SORBS2: variants seen among roughly 807,000 people sequenced by gnomAD.
The protein encoded by SORBS2 is sorbin and SH3 domain containing 2, also known as sorbin and SH3 domain-containing protein 2.
Under a neutral mutation model 97.7 loss-of-function variants are expected in SORBS2, and 46 were observed. The ratio of observed to expected loss-of-function variants is 0.47; its 90% CI spans 0.37 to 0.60. The LOEUF (loss-of-function observed/expected upper bound fraction) is 0.60, where lower values mean the gene tolerates loss of function less well. SORBS2 is among the 20% of genes least tolerant of loss of function. The pLI is 0.00. For synonymous variants in SORBS2, 476 were observed against 473.4 expected, an observed-to-expected ratio of 1.01 and a Z score of -0.07; for missense variants, 1,316 against 1,282.3, an observed-to-expected ratio of 1.03 and a Z score of -0.40.
chr4:185,845,509 A>G (rs149071833), intron 1 of SORBS2, among the ~76,000 whole-genome samples: 1 of 152,322 alleles, frequency 6.6e-6, no homozygotes, highest in East Asian at 1.9e-4. Context: ...AATTTGGGTT[A>G]GAAAAAATGC....
At chr4:185,911,663 T>C (rs6819746) in intron 1 of SORBS2, among the ~76,000 whole-genome samples, 54,899 of 152,072 alleles carry the variant, frequency 0.36, 10,165 homozygotes, top group African/African-American at 0.43. Context: ...GCTGTCACGT[T>C]GGCCAGGTGG....
intron 4 of SORBS2, among the ~76,000 whole-genome samples, chr4:185,663,288 A>G (rs769140375): frequency 9.9e-5 from 15 of 152,248 alleles, no homozygotes; most frequent in Non-Finnish European, 1.3e-4. Flanking sequence ...ACAAACTTCT[A>G]TTCCACAGGC....
intron 1 of SORBS2, among the ~76,000 whole-genome samples, chr4:185,837,496 G>T (rs1033374872): frequency 3.3e-5 from 5 of 152,178 alleles, no homozygotes; most frequent in African/African-American, 1.2e-4. Context: ...TATGAGAAAG[G>T]TTCTCATGCA....
At chr4:185,807,877 T>C (rs1379116223) in intron 1 of SORBS2, among the ~76,000 whole-genome samples, 1 of 152,220 alleles carries the variant, frequency 6.6e-6, no homozygotes, top group Non-Finnish European at 1.5e-5. Context: ...GTCTTCTTTA[T>C]AAAATACAAG....
At chr4:185,756,154 A>G (rs997999334) in intron 2 of SORBS2, among the ~76,000 whole-genome samples, 1 of 152,214 alleles carries the variant, frequency 6.6e-6, no homozygotes, top group Non-Finnish European at 1.5e-5. Flanking sequence ...AAGATGTTCC[A>G]AGAAAATCGA....
At chr4:185,940,515 C>T (rs536310930) in intron 1 of SORBS2, among the ~76,000 whole-genome samples, 9 of 152,176 alleles carry the variant, frequency 5.9e-5, no homozygotes, top group Middle Eastern at 3.4e-3. Context: ...ACTTGCATTC[C>T]GCTCCACACC....
rs539270207 is a variant in SORBS2 at position 185,602,715 on chromosome 4, G to A, written c.2797-8780C>T. Among the ~76,000 whole-genome samples the A allele has an allele frequency of 1.1e-4, 17 of 151,412 alleles. No individual in the cohort carries two copies. In the South Asian group the frequency reaches 3.6e-3, roughly 32 times the overall value. Reference sequence around the variant, plus strand: ...CAATGAGCATCAGCATTCTTGAAATGGAAGAAATAAAAAGGCTTCGGACTC... The same window carrying A: ...CAATGAGCATCAGCATTCTTGAAATAGAAGAAATAAAAAGGCTTCGGACTC... On this transcript the variant is annotated intron_variant, in intron 12 of 14. Coordinates refer to ENST00000418609, the Ensembl canonical transcript of SORBS2.
chr4:185,769,843 A>G (rs2098959279), intron 2 of SORBS2, among the ~76,000 whole-genome samples: 1 of 152,214 alleles, frequency 6.6e-6, no homozygotes, highest in Non-Finnish European at 1.5e-5. Context: ...ACAGTGAAAA[A>G]TAATGTGTTT....
At chr4:185,596,343 G>C (rs1471574233) in intron 12 of SORBS2, among the ~76,000 whole-genome samples, 2 of 152,024 alleles carry the variant, frequency 1.3e-5, no homozygotes, top group South Asian at 2.1e-4. Flanking sequence ...TCCCTTTTTA[G>C]TTATCATCAT....
chr4:185,873,010 T>A (rs1207585367), intron 1 of SORBS2, among the ~76,000 whole-genome samples: 2 of 152,198 alleles, frequency 1.3e-5, no homozygotes, highest in Admixed American at 6.5e-5. Flanking sequence ...CATAGGGCTG[T>A]GCTTAGCAGA....
chr4:185,618,279 A>G (rs756863489), intron 9 of SORBS2, among the ~76,000 whole-genome samples: 93 of 152,334 alleles, frequency 6.1e-4, no homozygotes, highest in Middle Eastern at 3.4e-3. Flanking sequence ...CTGGCCCCCA[A>G]TACTTCATTA....
intron 2 of SORBS2, among the ~76,000 whole-genome samples, chr4:185,734,407 G>T (rs1193964251): frequency 6.6e-6 from 1 of 152,142 alleles, no homozygotes; most frequent in Non-Finnish European, 1.5e-5. Context: ...GGGGAAATTG[G>T]GGCTGTTTTA....
intron 1 of SORBS2, among the ~76,000 whole-genome samples, chr4:185,948,997 T>C (rs531265425): frequency 6.6e-5 from 10 of 151,762 alleles, no homozygotes; most frequent in Non-Finnish European, 1.5e-4. Flanking sequence ...GAAGAGTTAT[T>C]AAAAGGTATA....
At chr4:185,650,832 G>A (rs2097301005) in intron 2 of SORBS2, among the ~76,000 whole-genome samples, 1 of 152,118 alleles carries the variant, frequency 6.6e-6, no homozygotes, top group Admixed American at 6.5e-5. Context: ...CTATCAGTGG[G>A]GCGAGCCAAG....
chr4:185,893,457 C>T (rs1222151086), intron 1 of SORBS2, among the ~76,000 whole-genome samples: 1 of 152,186 alleles, frequency 6.6e-6, no homozygotes, highest in African/African-American at 2.4e-5. Context: ...TACTGGGAGA[C>T]CCGGGCCCTT....
intron 2 of SORBS2, among the ~76,000 whole-genome samples, chr4:185,703,775 C>T (rs1440646237): frequency 1.3e-5 from 2 of 152,180 alleles, no homozygotes; most frequent in Non-Finnish European, 2.9e-5. Context: ...GTTTACTTTA[C>T]ATAAATTATG....
intron 1 of SORBS2, among the ~76,000 whole-genome samples, chr4:185,939,717 T>C (rs979452118): frequency 4.6e-5 from 7 of 152,048 alleles, no homozygotes; most frequent in Admixed American, 1.3e-4. Flanking sequence ...CTAAAGTTGG[T>C]CAGGCTGGTC....
At chr4:185,882,057 A>C (rs573617217) in intron 1 of SORBS2, among the ~76,000 whole-genome samples, 4 of 152,296 alleles carry the variant, frequency 2.6e-5, no homozygotes, top group Non-Finnish European at 5.9e-5. Flanking sequence ...CTTTAATAGC[A>C]CTTTTCCCTT....
intron 2 of SORBS2, among the ~76,000 whole-genome samples, chr4:185,716,765 G>C (rs2098468672): frequency 6.6e-6 from 1 of 152,170 alleles, no homozygotes; most frequent in Non-Finnish European, 1.5e-5. Flanking sequence ...GTGGGAGCCA[G>C]TTCTGCCTGA....
Sources: gnomAD v4.1 joint callset for allele counts (sites outside exome capture counted in the v4.1 genomes callset) on GRCh38, gnomAD v4.1.1 for gene constraint, MANE v1.5 for transcripts, NCBI Gene and HGNC (gene_info 2026-07-23, HGNC 2026-07-21) for gene names.